Variants in PRKG1 observed in about 807,000 individuals in gnomAD.
PRKG1 encodes the protein protein kinase cGMP-dependent 1, also known as cGMP-dependent protein kinase 1.
In PRKG1, 35 loss-of-function variants were observed where a neutral mutation model predicts 88.1. The ratio of observed to expected loss-of-function variants is 0.40; its 90% CI spans 0.30 to 0.53. PRKG1 has a LOEUF of 0.53. Ranked by LOEUF, PRKG1 falls within the 20% of genes least tolerant of loss-of-function variation. PRKG1 has a pLI of 0.59. For synonymous variants in PRKG1, 303 were observed against 292.5 expected, an observed-to-expected ratio of 1.04 and a Z score of -0.37; for missense variants, 540 against 839.8, an observed-to-expected ratio of 0.64 and a Z score of 4.41.
At chr10:51,727,439 G>T (rs1369475312) in intron 3 of PRKG1, among the ~76,000 whole-genome samples, 1 of 152,114 alleles carries the variant, frequency 6.6e-6, no homozygotes, top group Admixed American at 6.6e-5. Flanking sequence ...AGGGGTCAAT[G>T]TGTCACTCTT....
intron 7 of PRKG1, among the ~76,000 whole-genome samples, chr10:52,082,064 G>A (rs1040842975): frequency 6.6e-6 from 1 of 152,102 alleles, no homozygotes; most frequent in Non-Finnish European, 1.5e-5. Context: ...ATGGTGTACA[G>A]GGAAGCAAAC....
chr10:51,042,948 C>G (rs1271286180), intron 1 of PRKG1, among the ~76,000 whole-genome samples: 3 of 152,176 alleles, frequency 2.0e-5, no homozygotes, highest in Non-Finnish European at 4.4e-5. Context: ...GAAGTAGGTC[C>G]TCACCAGTTA....
chr10:51,956,175 T>C (rs1843297300), intron 5 of PRKG1, among the ~76,000 whole-genome samples: 1 of 152,054 alleles, frequency 6.6e-6, no homozygotes, highest in Admixed American at 6.6e-5. Context: ...AATTTAATTG[T>C]GCTAGTATTT....
At chr10:52,115,446 T>A (rs1847664107) in intron 7 of PRKG1, among the ~76,000 whole-genome samples, 1 of 152,154 alleles carries the variant, frequency 6.6e-6, no homozygotes, top group Admixed American at 6.6e-5. Context: ...TTCCTGCTAT[T>A]CCCTATACAC....
intron 2 of PRKG1, among the ~76,000 whole-genome samples, chr10:51,163,025 G>A (rs1001412719): frequency 6.6e-6 from 1 of 151,990 alleles, no homozygotes; most frequent in Non-Finnish European, 1.5e-5. Context: ...ACCTGCAAAT[G>A]CTTTTAAACC....
At chr10:51,012,749 C>T (rs767933149) in intron 1 of PRKG1, among the ~76,000 whole-genome samples, 1 of 152,000 alleles carries the variant, frequency 6.6e-6, no homozygotes, top group Non-Finnish European at 1.5e-5. Context: ...AATAAAAAGA[C>T]AAAAAAGTCA....
chr10:51,223,014 C>T (rs960619675), intron 2 of PRKG1, among the ~76,000 whole-genome samples: 9 of 144,204 alleles, frequency 6.2e-5, no homozygotes, highest in South Asian at 4.3e-4. Flanking sequence ...TTGTGTGTGG[C>T]GGGGGGTGGT....
chr10:51,770,793 G>A (rs1838284636), intron 3 of PRKG1, among the ~76,000 whole-genome samples: 2 of 152,128 alleles, frequency 1.3e-5, no homozygotes, highest in South Asian at 4.1e-4. Context: ...CCAGGAAAGT[G>A]GTCCCCGGTG....
At chr10:51,426,623 G>A (rs555239813) in intron 2 of PRKG1, among the ~76,000 whole-genome samples, 1 of 152,178 alleles carries the variant, frequency 6.6e-6, no homozygotes, top group Non-Finnish European at 1.5e-5. Context: ...ATCCAATTAA[G>A]TAGACAAAAA....
intron 1 of PRKG1, among the ~76,000 whole-genome samples, chr10:51,048,005 G>A (rs1843512791): frequency 1.3e-5 from 2 of 152,142 alleles, no homozygotes; most frequent in African/African-American, 4.8e-5. Flanking sequence ...GTTCTCTAGA[G>A]CCTGAAATAG....
In PRKG1 at chr10:51,957,257, C is replaced by CTT. The variant is rs1208858206; in HGVS notation, c.762+49687_762+49688insTT. 3.4e-5 allele frequency among the ~76,000 whole-genome samples: 3 copies of CTT among 87,850 alleles called. No individual in the cohort carries two copies. In the East Asian group the frequency reaches 1.0e-3, roughly 30 times the overall value. 57.6% of individuals were successfully genotyped at this position (87,850 alleles called of 152,430 possible). ...CTCTACTTCTCTCTTTTCTTTCATA[C>CTT]ATAGCTTTTCCTTTCTTTCCTTTTC... On this transcript the variant is annotated intron_variant, in intron 5 of 17. Transcript: ENST00000373980.
intron 10 of PRKG1, chr10:52,252,896 AC>A (rs1218308476): frequency 6.6e-6 from 1 of 151,874 alleles, no homozygotes; most frequent in Non-Finnish European, 1.5e-5. Context: ...TCTGAACCCT[AC>A]CAATTAATGT....
Position 51,205,700 on chromosome 10 carries a change from A to AT in PRKG1, c.478+52375dup, listed in dbSNP as rs764014590. Among the ~76,000 whole-genome samples, 75 of 148,776 alleles carry AT rather than the reference A, an allele frequency of 5.0e-4. 2 individuals carry two copies. Among genetic ancestry groups the AT allele is most frequent in the Middle Eastern group, 3.7e-3 (1 of 268 alleles). On this transcript the variant is annotated intron_variant, in intron 2 of 17. Coordinates refer to ENST00000373980, the MANE Select transcript of PRKG1 (RefSeq NM_006258.4). ...AGAGGCGCTGCCACCACACTGGCAA[A>AT]TTTTTGTATTTTTAGTAGAGATGGG...
At chr10:51,477,216 T>C (rs1233692682) in intron 3 of PRKG1, among the ~76,000 whole-genome samples, 1 of 151,520 alleles carries the variant, frequency 6.6e-6, no homozygotes, top group Non-Finnish European at 1.5e-5. Flanking sequence ...TGCTGAACTC[T>C]CTGGGGAGCA....
intron 2 of PRKG1, among the ~76,000 whole-genome samples, chr10:51,328,035 T>C (rs1726175767): frequency 6.6e-6 from 1 of 152,216 alleles, no homozygotes; most frequent in Admixed American, 6.5e-5. Context: ...TTATTAACCA[T>C]AGTCATGAGG....
Position 51,205,637 on chromosome 10 carries a change from G to A in PRKG1, c.478+52307G>A, listed in dbSNP as rs548077184. On this transcript the variant is annotated intron_variant, in intron 2 of 17. Transcript: ENST00000373980. The stretch of plus-strand genomic sequence containing the variant: ...TGCCACCTCTGCCTCCAGGGTTCAA[G>A]TGATTCTCCTGCCTCAGCCTCCTGA... Among the ~76,000 whole-genome samples, 5 of 152,124 alleles carry A rather than the reference G, an allele frequency of 3.3e-5. No individual in the cohort carries two copies. The South Asian group carries it at 6.2e-4, about 19-fold the overall frequency.
intron 2 of PRKG1, among the ~76,000 whole-genome samples, chr10:51,246,883 G>A (rs142451539): frequency 0.01 from 1,552 of 152,020 alleles, 12 homozygotes; most frequent in Non-Finnish European, 0.016. Flanking sequence ...TGTACCTTGG[G>A]AAAGGTATGT....
intron 3 of PRKG1, among the ~76,000 whole-genome samples, chr10:51,680,972 C>T (rs746176785): frequency 5.9e-5 from 9 of 152,120 alleles, no homozygotes; most frequent in African/African-American, 7.2e-5. Flanking sequence ...CTATTAAAAA[C>T]GAGGTGCATT....
At chr10:52,237,675 C>T (rs1376182603) in intron 9 of PRKG1, among the ~76,000 whole-genome samples, 1 of 112,502 alleles carries the variant, frequency 8.9e-6, no homozygotes, top group Non-Finnish European at 1.8e-5. Flanking sequence ...AAAGAGGATA[C>T]AAACAAATGG....
Sources: gnomAD v4.1 joint callset for allele counts (sites outside exome capture counted in the v4.1 genomes callset) on GRCh38, gnomAD v4.1.1 for gene constraint, MANE v1.5 for transcripts, NCBI Gene and HGNC (gene_info 2026-07-23, HGNC 2026-07-21) for gene names.